Variants in GSPT1 observed in about 807,000 individuals in gnomAD.
The protein encoded by GSPT1 is G1 to S phase transition 1.
GSPT1 carries 20 observed loss-of-function variants against 72.5 expected under a neutral mutation model. The observed-to-expected ratio is 0.28, with a 90% CI of 0.19 to 0.40. The LOEUF is 0.40. Among genes scored for constraint, GSPT1 ranks in the 10% least tolerant of loss-of-function variants. GSPT1 has a pLI of 1.00. For missense variants in GSPT1, 580 were observed against 811.9 expected (o/e 0.71, Z 3.47); for synonymous variants, 334 against 293.5 (o/e 1.14, Z -1.41).
intron 1 of GSPT1, among the ~76,000 whole-genome samples, chr16:11,901,802 G>A (rs1011852017): frequency 6.6e-6 from 1 of 150,506 alleles, no homozygotes; most frequent in Non-Finnish European, 1.5e-5. Flanking sequence ...AAAAAAAAAA[G>A]AGGAAAAACT....
Position 11,875,938 on chromosome 16 carries a change from G to A in GSPT1, c.1693-9C>T, listed in dbSNP as rs2054041994. The A allele has an allele frequency of 1.2e-6, 2 of 1,607,460 alleles. No homozygotes were observed. Among genetic ancestry groups the A allele is most frequent in the East Asian group, 2.2e-5 (1 of 44,850 alleles). On this transcript the variant is annotated splice_polypyrimidine_tract_variant and intron_variant, in intron 13 of 14. Coordinates refer to ENST00000434724, the MANE Select transcript of GSPT1 (RefSeq NM_002094.4). ...ACCAAGCAGATTAAGGCCTAACCAA[G>A]AAAAGAGTATGAGAAAATCAGAATA...
In GSPT1 at chr16:11,875,822, G is replaced by A; in HGVS notation, c.1800C>T (p.Thr600=). 1 of 1,613,750 alleles carries A rather than the reference G, an allele frequency of 6.2e-7. No individual in the cohort carries two copies. Among genetic ancestry groups the A allele is most frequent in the Non-Finnish European group, 8.5e-7 (1 of 1,179,846 alleles). ...VCIARLRTAG[T]ICLETFKDFP... ...AGTCTTTAAAGGTCTCAAGGCAGAT[G>A]GTTCCTGCTGTCCTTAAGCGAGCAA... The change falls in exon 14 of 15, where the codon ACC becomes ACT. Residue 600 remains threonine, a synonymous_variant. Coordinates refer to ENST00000434724, the MANE Select transcript of GSPT1 (RefSeq NM_002094.4).
intron 9 of GSPT1, among the ~76,000 whole-genome samples, chr16:11,885,947 G>T (rs1012474664): frequency 1.3e-5 from 2 of 152,024 alleles, no homozygotes; most frequent in Non-Finnish European, 2.9e-5. Flanking sequence ...CGTATTTATG[G>T]TCATTTGATT....
At chr16:11,909,197 GTTC>G (rs1160687916) in intron 1 of GSPT1, among the ~76,000 whole-genome samples, 5 of 149,382 alleles carry the variant, frequency 3.3e-5, no homozygotes, top group African/African-American at 1.0e-4. Context: ...CTTATTAAGT[GTTC>G]TTCTCTCTTT....
chr16:11,892,753 C>G (rs1446705915), intron 5 of GSPT1, among the ~76,000 whole-genome samples: 1 of 127,756 alleles, frequency 7.8e-6, no homozygotes, highest in East Asian at 2.6e-4. Flanking sequence ...CATTTGAACC[C>G]AGGAGGCGGA....
At chr16:11,896,489 C>T in intron 4 of GSPT1, 69 bp downstream of exon 4, 2 of 838,158 alleles carry the variant, frequency 2.4e-6, no homozygotes, top group South Asian at 1.6e-5. Context: ...TAAACATCTC[C>T]AGGTAGCTAA....
In GSPT1 at chr16:11,907,502, C is replaced by T. The variant is rs1325900812; in HGVS notation, c.352+7867G>A. Among the ~76,000 whole-genome samples, 5 of 152,242 alleles carry T rather than the reference C, an allele frequency of 3.3e-5. No individual in the cohort carries two copies. In the East Asian group the frequency reaches 7.7e-4, roughly 23 times the overall value. ...TATTACAGCAAGCACTTCAAAGCCC[C>T]AAAATAATTTCAAAAACCTTTAAGA... On this transcript the variant is annotated intron_variant, in intron 1 of 14. Coordinates refer to ENST00000434724, the MANE Select transcript of GSPT1 (RefSeq NM_002094.4).
intron 14 of GSPT1, 33 bp downstream of exon 14, chr16:11,875,728 T>C: frequency 4.6e-6 from 7 of 1,512,684 alleles, no homozygotes; most frequent in Non-Finnish European, 6.3e-6. Context: ...GTATCCTGGA[T>C]ATACTACTAG....
chr16:11,887,464 A>G (rs2054198917), intron 7 of GSPT1, 106 bp downstream of exon 7: 2 of 882,000 alleles, frequency 2.3e-6, no homozygotes, highest in African/African-American at 3.3e-5. Flanking sequence ...ACATCATTAT[A>G]TTTCACTGCA....
intron 1 of GSPT1, among the ~76,000 whole-genome samples, chr16:11,906,940 C>A (rs2054497927): frequency 6.6e-6 from 1 of 151,938 alleles, no homozygotes; most frequent in Non-Finnish European, 1.5e-5. Flanking sequence ...GTAGACAATA[C>A]TGAAAAACAG....
At chr16:11,904,553 T>G (rs942238004) in intron 1 of GSPT1, among the ~76,000 whole-genome samples, 1 of 152,132 alleles carries the variant, frequency 6.6e-6, no homozygotes, top group African/African-American at 2.4e-5. Context: ...GTGTACAATT[T>G]TTTTTTAAAG....
rs779125082 is a variant in GSPT1 at position 11,915,857 on chromosome 16, G to C, written c.-137C>G. The stretch of plus-strand genomic sequence containing the variant: ...CCGGGAGCTAGCGACAAAGATCCCC[G>C]GCGTCGCCGCGGCAGCAGCTCCAGT... On this transcript the variant is annotated 5_prime_UTR_variant, in exon 1 of 15. Coordinates refer to ENST00000434724, the MANE Select transcript of GSPT1 (RefSeq NM_002094.4). 52 of 1,369,714 alleles carry C rather than the reference G, an allele frequency of 3.8e-5. No homozygotes were observed. The highest frequency in any genetic ancestry group is 5.2e-5 in the Non-Finnish European group (51 of 977,728). 84.8% of individuals were successfully genotyped at this position (1,369,714 alleles called of 1,614,324 possible).
intron 1 of GSPT1, among the ~76,000 whole-genome samples, chr16:11,905,596 A>C (rs1047774171): frequency 6.6e-6 from 1 of 152,158 alleles, no homozygotes; most frequent in Admixed American, 6.5e-5. Context: ...GCACTTTGGG[A>C]GGCCAAGGCG....
At chr16:11,887,800 T>G (rs897055489) in intron 6 of GSPT1, 50 bp from the exon 7 acceptor site, 16 of 1,221,160 alleles carry the variant, frequency 1.3e-5, no homozygotes, top group Non-Finnish European at 9.4e-6. Flanking sequence ...CATCAGAGTT[T>G]TTAGGATATT....
In GSPT1 at chr16:11,887,599, C is replaced by G; in HGVS notation, c.928G>C (p.Gly310Arg). 6.2e-7 allele frequency: 1 copy of G among 1,613,924 alleles called. No individual in the cohort carries two copies. The highest frequency in any genetic ancestry group is 8.5e-7 in the Non-Finnish European group (1 of 1,179,882). ...ACAGCCAAATCAGCTTGAGAGGCAC[C>G]ACCAATCATATTTGGGACAAAACTC... ...HKSFVPNMIGGASQADLAVLV... is the reference protein window; with the variant it reads ...HKSFVPNMIGRASQADLAVLV... The change falls in exon 7 of 15, where the codon GGT (glycine) becomes CGT (arginine). Residue 310 changes from glycine (G) to arginine (R), a missense_variant. By Grantham distance (125) the Gly-to-Arg change is moderately radical. Transcript: ENST00000434724.
intron 14 of GSPT1, among the ~76,000 whole-genome samples, chr16:11,875,118 G>A (rs2054029377): frequency 6.6e-6 from 1 of 152,074 alleles, no homozygotes; most frequent in Non-Finnish European, 1.5e-5. Context: ...GAACCTGGGA[G>A]GTGGAGCTTG....
At chr16:11,904,393 GGGGTTTC>G (rs2054460629) in intron 1 of GSPT1, among the ~76,000 whole-genome samples, 2 of 151,936 alleles carry the variant, frequency 1.3e-5, no homozygotes, top group Non-Finnish European at 2.9e-5. Flanking sequence ...TAGTAGAGAT[GGGGTTTC>G]ACCATGTTGG....
chr16:11,902,656 C>T (rs1320683663), intron 1 of GSPT1, among the ~76,000 whole-genome samples: 4 of 151,312 alleles, frequency 2.6e-5, no homozygotes, highest in Admixed American at 6.6e-5. Flanking sequence ...ATCGCAGTCT[C>T]GGCTCACTGC....
intron 5 of GSPT1, among the ~76,000 whole-genome samples, chr16:11,894,494 G>C (rs1318222579): frequency 2.0e-5 from 3 of 152,134 alleles, no homozygotes; most frequent in Admixed American, 6.6e-5. Context: ...CCAGATTCAA[G>C]AGCTGGTTGT....
Sources: gnomAD v4.1 joint callset for allele counts (sites outside exome capture counted in the v4.1 genomes callset) on GRCh38, gnomAD v4.1.1 for gene constraint, MANE v1.5 for transcripts, NCBI Gene and HGNC (gene_info 2026-07-23, HGNC 2026-07-21) for gene names.